The following TMEM25 variants were observed in gnomAD, a reference collection of about 807,000 sequenced individuals.
The protein encoded by TMEM25 is transmembrane protein 25.
TMEM25 carries 36 observed loss-of-function variants against 37.0 expected under a neutral mutation model. The ratio of observed to expected loss-of-function variants is 0.97; its 90% confidence interval spans 0.75 to 1.28. The LOEUF (loss-of-function observed/expected upper bound fraction) is 1.28, where lower values mean the gene tolerates loss of function less well. TMEM25 is among the 50% of genes most tolerant of loss of function. The pLI is 0.00. For missense variants in TMEM25, 444 were observed against 477.9 expected (o/e 0.93, Z 0.66); for synonymous variants, 197 against 203.7 (o/e 0.97, Z 0.28).
In TMEM25 at chr11:118,535,109, C is replaced by A; in HGVS notation, c.*529C>A. 3 of 1,018,136 alleles carry A rather than the reference C, an allele frequency of 2.9e-6. No homozygotes were observed. In the South Asian group the frequency reaches 1.3e-4, roughly 44 times the overall value. The allele number at this position is 1,018,136 out of a possible 1,614,324, so 63.1% of individuals were successfully genotyped here. A position where few individuals can be genotyped will look rare whatever the true frequency, so the allele number is the denominator to read the frequency against. On this transcript the variant is annotated 3_prime_UTR_variant, in exon 9 of 9. Coordinates refer to ENST00000313236, the MANE Select transcript of TMEM25 (RefSeq NM_032780.4). ...ATTGCCCTTTGCACAGAAACCAACC[C>A]CTGACCCAGCGGTACCGGCCAAGCA...
chr11:118,533,910 G>A (rs1555061396), intron 6 of TMEM25, 23 bp downstream of exon 6: 2 of 1,614,006 alleles, frequency 1.2e-6, no homozygotes, highest in Non-Finnish European at 1.7e-6. Flanking sequence ...TGGGCTGGGT[G>A]GACAAGCCTA....
chr11:118,540,696 G>A (rs1487324128), downstream of TMEM25, among the ~76,000 whole-genome samples: 2 of 152,162 alleles, frequency 1.3e-5, no homozygotes, highest in Non-Finnish European at 2.9e-5. Flanking sequence ...TTCCTTTGTC[G>A]GGTGACAGAC....
chr11:118,534,617 G>A lies in TMEM25; in HGVS notation c.*37G>A. 6.2e-7 allele frequency: 1 copy of A among 1,611,010 alleles called. No homozygotes were observed. Among genetic ancestry groups the A allele is most frequent in the Non-Finnish European group, 8.5e-7 (1 of 1,177,902 alleles). On this transcript the variant is annotated 3_prime_UTR_variant, in exon 9 of 9. Coordinates refer to ENST00000313236, the MANE Select transcript of TMEM25 (RefSeq NM_032780.4). This position sits in a 1 kb window ranked among gnomAD's most constrained non-coding sequence, Gnocchi z 4.6. ...GACAGGAGTATTCTCTTGGCCTCTGGACACCCTCCCGTTCCTCCAAGGCAT... is the reference window on the plus strand; with the variant it reads ...GACAGGAGTATTCTCTTGGCCTCTGAACACCCTCCCGTTCCTCCAAGGCAT...
chr11:118,531,395 C>T (rs1019165482), intron 1 of TMEM25, 161 bp downstream of exon 1: 15 of 365,170 alleles, frequency 4.1e-5, no homozygotes, highest in African/African-American at 3.0e-4. Flanking sequence ...AGGATGGGAA[C>T]AGGGCAGGAG....
rs781787889 is a variant in TMEM25, at chr11:118,534,392, C to T, written c.1027+37C>T. The T allele has an allele frequency of 3.1e-6, 5 of 1,611,674 alleles. No individual in the cohort carries two copies. The Admixed American group carries it at 6.7e-5, about 22-fold the overall frequency. On this transcript the variant is annotated intron_variant, in intron 8 of 8. Transcript: ENST00000313236. The surrounding 1 kb of genome is among the most constrained non-coding windows in gnomAD (Gnocchi z 4.6). Reference sequence around the variant, plus strand: ...GGGGCCTGCCACCCTCCTCCTCTGCCCCCCAGCCCTGTGCTTATGCCAGAG... The same window carrying T: ...GGGGCCTGCCACCCTCCTCCTCTGCTCCCCAGCCCTGTGCTTATGCCAGAG...
chr11:118,543,010 G>A (rs1187105406), intron 8 of TMEM25, among the ~76,000 whole-genome samples: 1 of 152,186 alleles, frequency 6.6e-6, no homozygotes, highest in Non-Finnish European at 1.5e-5. Context: ...GGGAGGCTGA[G>A]GCAGTCGGAT....
At position 118,532,807 on chromosome 11, in the gene TMEM25, TC is replaced by T. The variant is rs1951351783; in HGVS notation, c.383-106del. On this transcript the variant is annotated intron_variant, in intron 3 of 8. Coordinates refer to ENST00000313236, the MANE Select transcript of TMEM25 (RefSeq NM_032780.4). The stretch of plus-strand genomic sequence containing the variant: ...GACCCAGCCATCCTGTTCCTCAGCA[TC>T]CCCTCTGAGGAGAGGCCCAGGCCCC... 3 of 1,426,374 alleles carry T rather than the reference TC, an allele frequency of 2.1e-6. No homozygotes were observed. In the African/African-American group the frequency reaches 4.3e-5, roughly 20 times the overall value. 88.4% of individuals were successfully genotyped at this position (1,426,374 alleles called of 1,614,324 possible).
In TMEM25 at chr11:118,534,401, C is replaced by T; in HGVS notation, c.1027+46C>T. The stretch of plus-strand genomic sequence containing the variant: ...CACCCTCCTCCTCTGCCCCCCAGCC[C>T]TGTGCTTATGCCAGAGGCCTCCAAG... On this transcript the variant is annotated intron_variant, in intron 8 of 8. Coordinates refer to ENST00000313236, the MANE Select transcript of TMEM25 (RefSeq NM_032780.4). This position sits in a 1 kb window ranked among gnomAD's most constrained non-coding sequence, Gnocchi z 4.6. 1.2e-6 allele frequency: 2 copies of T among 1,611,316 alleles called. No individual in the cohort carries two copies. Among genetic ancestry groups the T allele is most frequent in the Non-Finnish European group, 1.7e-6 (2 of 1,178,772 alleles).
chr11:118,540,433 C>T (rs1951564175), downstream of TMEM25, among the ~76,000 whole-genome samples: 1 of 152,236 alleles, frequency 6.6e-6, no homozygotes, highest in Non-Finnish European at 1.5e-5. Context: ...TTTTCTTAGC[C>T]AGAGGGCCTT....
At chr11:118,532,610 T>C in intron 3 of TMEM25, 149 bp downstream of exon 3, 1 of 937,808 alleles carries the variant, frequency 1.1e-6, no homozygotes, top group East Asian at 2.6e-5. Context: ...CCCCATGAGG[T>C]CATTACTATT....
At position 118,532,377 on chromosome 11, in the gene TMEM25, C is replaced by A. The variant is rs150904224; in HGVS notation, c.298C>A (p.Arg100=). 12 of 1,613,860 alleles carry A rather than the reference C, an allele frequency of 7.4e-6. No individual in the cohort carries two copies. The highest frequency in any genetic ancestry group is 3.3e-5 in the South Asian group (3 of 91,068). ...GTSTFTVTAH[R]AQHELNCSLQ... is the part of the protein sequence containing the mutation. ...CAGCACCTTCACTGTCACTGCCCAT[C>A]GGGCCCAGCATGAGCTCAACTGCTC... The change falls in exon 3 of 9, where the codon CGG becomes AGG. Residue 100 remains arginine (R), a synonymous_variant. Coordinates refer to ENST00000313236, the MANE Select transcript of TMEM25 (RefSeq NM_032780.4).
intron 8 of TMEM25, among the ~76,000 whole-genome samples, chr11:118,543,953 T>G (rs1272273311): frequency 6.6e-6 from 1 of 152,034 alleles, no homozygotes; most frequent in Non-Finnish European, 1.5e-5. Flanking sequence ...ACTACAGGCA[T>G]GCACCAAAAC....
At chr11:118,546,381 CTTGGGAGGCTGGG>C (rs1469492286) in exon 9 of TMEM25, 1 of 499,226 alleles carries the variant, frequency 2.0e-6, no homozygotes, top group Non-Finnish European at 3.7e-6. Flanking sequence ...GTCCCAGCTA[CTTGGGAGGCTGGG>C]GTGGGAGGAC....
At chr11:118,545,127 T>C in intron 8 of TMEM25, 1 of 826,226 alleles carries the variant, frequency 1.2e-6, no homozygotes, top group Non-Finnish European at 1.9e-6. Context: ...CTTCCATTCA[T>C]GAGGGAACTT....
chr11:118,537,119 T>C (rs1951520928), downstream of TMEM25, among the ~76,000 whole-genome samples: 1 of 152,082 alleles, frequency 6.6e-6, no homozygotes, highest in South Asian at 2.1e-4. Context: ...GGCGGGTGGA[T>C]TGCCTGAGCT....
intron 8 of TMEM25, among the ~76,000 whole-genome samples, chr11:118,542,457 A>C (rs1043510279): frequency 5.9e-5 from 9 of 152,222 alleles, no homozygotes; most frequent in Non-Finnish European, 1.0e-4. Context: ...CAAATAGGCA[A>C]ACAATAGCAA....
downstream of TMEM25, among the ~76,000 whole-genome samples, chr11:118,539,055 G>A (rs1413941003): frequency 6.6e-6 from 1 of 151,398 alleles, no homozygotes; most frequent in South Asian, 2.1e-4. Flanking sequence ...TCAACAGATT[G>A]TCTCTTCACT....
intron 8 of TMEM25, chr11:118,545,072 C>T (rs1591354809): frequency 8.4e-7 from 1 of 1,196,160 alleles, no homozygotes; most frequent in East Asian, 2.5e-5. Context: ...TATATTTTAA[C>T]AAGAATTAAT....
In TMEM25 at chr11:118,532,367, C is replaced by CA. The variant is rs781958177; in HGVS notation, c.289dup (p.Thr97AsnfsTer8). ...CTGGAGGCACCAGCACCTTCACTGT[C>CA]ACTGCCCATCGGGCCCAGCATGAGC... is the stretch of plus-strand genomic sequence containing the variant. On this transcript the variant is annotated frameshift_variant, in exon 3 of 9. Transcript: ENST00000313236. LOFTEE classifies it high-confidence loss of function. The CA allele has an allele frequency of 3.7e-6, 6 of 1,614,214 alleles. No homozygotes were observed. In the South Asian group the frequency reaches 5.5e-5, roughly 15 times the overall value.
Sources: gnomAD v4.1 joint callset for allele counts (sites outside exome capture counted in the v4.1 genomes callset) on GRCh38, gnomAD v4.1.1 for gene constraint, Gnocchi (gnomAD v3.1) non-coding constraint, MANE v1.5 for transcripts, NCBI Gene and HGNC (gene_info 2026-07-23, HGNC 2026-07-21) for gene names.